The following ZNF438 variants were observed in gnomAD, a reference collection of about 807,000 sequenced individuals.
ZNF438 encodes zinc finger protein 438.
A neutral mutation model predicts 38.0 loss-of-function variants in ZNF438; 25 were observed. The observed-to-expected ratio is 0.66, with a 90% CI of 0.48 to 0.92. The LOEUF is 0.92. Among genes scored for constraint, ZNF438 ranks in the 40% least tolerant of loss-of-function variants. ZNF438 has a pLI of 0.00. For synonymous variants in ZNF438, 372 were observed against 364.1 expected, an observed-to-expected ratio of 1.02 and a Z score of -0.25; for missense variants, 1,007 against 999.6, an observed-to-expected ratio of 1.01 and a Z score of -0.10.
At chr10:31,022,722 A>C (rs1022775474) in intron 1 of ZNF438, among the ~76,000 whole-genome samples, 1 of 152,124 alleles carries the variant, frequency 6.6e-6, no homozygotes, top group Non-Finnish European at 1.5e-5. Context: ...ACACACAACA[A>C]ACGCTTCGAA....
intron 4 of ZNF438, 57 bp downstream of exon 5, chr10:30,876,941 G>A: frequency 1.5e-6 from 2 of 1,375,206 alleles, no homozygotes; most frequent in East Asian, 2.4e-5. Flanking sequence ...GACATTCAAT[G>A]TATCAAATTA....
intron 1 of ZNF438, among the ~76,000 whole-genome samples, chr10:31,006,008 CTCCCTCAAAGGATGTCCA>C (rs2132942594): frequency 6.6e-6 from 1 of 152,330 alleles, no homozygotes; most frequent in East Asian, 1.9e-4. Context: ...AGAATATTGC[CTCCCTCAAAGGATGTCCA>C]TCCCTTATTC....
chr10:30,989,893 T>C (rs2053284181), intron 1 of ZNF438, among the ~76,000 whole-genome samples: 2 of 152,174 alleles, frequency 1.3e-5, no homozygotes, highest in Non-Finnish European at 2.9e-5. Flanking sequence ...TATTTTATCT[T>C]CAATATGTGC....
At chr10:31,027,787 G>C (rs548702921) in intron 1 of ZNF438, among the ~76,000 whole-genome samples, 1 of 152,026 alleles carries the variant, frequency 6.6e-6, no homozygotes, top group East Asian at 1.9e-4. Context: ...GTTAGTAGAG[G>C]GCTTCTGTTT....
At chr10:30,985,035 A>G (rs958996659) in intron 1 of ZNF438, among the ~76,000 whole-genome samples, 41 of 152,208 alleles carry the variant, frequency 2.7e-4, no homozygotes, top group African/African-American at 9.9e-4. Context: ...GCCATGTGTG[A>G]GATGCATGTG....
intron 3 of ZNF438, among the ~76,000 whole-genome samples, chr10:30,877,736 C>T (rs1361425462): frequency 6.6e-6 from 1 of 151,806 alleles, no homozygotes; most frequent in African/African-American, 2.4e-5. Context: ...ATGTAGTGTT[C>T]CATATTAATA....
intron 4 of ZNF438, among the ~76,000 whole-genome samples, chr10:30,854,373 T>C (rs2034244653): frequency 1.3e-5 from 2 of 152,214 alleles, no homozygotes; most frequent in Non-Finnish European, 2.9e-5. Flanking sequence ...CTAGAATTCC[T>C]AGAGGACAGG....
intron 1 of ZNF438, among the ~76,000 whole-genome samples, chr10:30,968,062 G>T (rs1324877105): frequency 3.9e-5 from 6 of 152,188 alleles, no homozygotes; most frequent in African/African-American, 1.4e-4. Context: ...ATAACGGCAT[G>T]ATAAAATCAT....
intron 1 of ZNF438, among the ~76,000 whole-genome samples, chr10:30,956,259 A>G (rs2048850157): frequency 6.6e-6 from 1 of 152,206 alleles, no homozygotes; most frequent in Non-Finnish European, 1.5e-5. Context: ...TAAGTGATGA[A>G]ATATAAAAGA....
At chr10:30,977,597 C>A (rs762933887) in intron 1 of ZNF438, among the ~76,000 whole-genome samples, 1 of 152,130 alleles carries the variant, frequency 6.6e-6, no homozygotes, top group Non-Finnish European at 1.5e-5. Context: ...AGTCACACAG[C>A]CACATGTTGC....
At chr10:30,997,775 A>AGTCT (rs2054201785) in intron 1 of ZNF438, among the ~76,000 whole-genome samples, 1 of 151,996 alleles carries the variant, frequency 6.6e-6, no homozygotes, top group African/African-American at 2.4e-5. Flanking sequence ...TAAGAGAGAC[A>AGTCT]CCTTCTTTTC....
At chr10:30,882,569 C>A (rs4749636) in intron 3 of ZNF438, among the ~76,000 whole-genome samples, 1 of 151,882 alleles carries the variant, frequency 6.6e-6, no homozygotes. Flanking sequence ...TGATGCTATA[C>A]GAAAGAAGAT....
intron 1 of ZNF438, among the ~76,000 whole-genome samples, chr10:30,990,822 T>C (rs1221289415): frequency 6.6e-6 from 1 of 151,836 alleles, no homozygotes; most frequent in Non-Finnish European, 1.5e-5. Flanking sequence ...TAAGAATCTA[T>C]AAAGTAACCT....
intron 3 of ZNF438, among the ~76,000 whole-genome samples, chr10:30,884,976 A>AT (rs1418192442): frequency 6.6e-6 from 1 of 152,254 alleles, no homozygotes; most frequent in Non-Finnish European, 1.5e-5. Flanking sequence ...GAGTACATGT[A>AT]TAAGTGCATG....
At chr10:30,950,521 AAG>A (rs1167202180) in intron 1 of ZNF438, among the ~76,000 whole-genome samples, 1 of 152,020 alleles carries the variant, frequency 6.6e-6, no homozygotes, top group African/African-American at 2.4e-5. Flanking sequence ...TAAAGAAAAA[AAG>A]AGAGAAGAAT....
At chr10:30,935,035 G>A (rs2046091800) in intron 2 of ZNF438, among the ~76,000 whole-genome samples, 1 of 152,118 alleles carries the variant, frequency 6.6e-6, no homozygotes, top group Admixed American at 6.5e-5. Context: ...TGTTATTGTT[G>A]TATTTTGCTT....
chr10:30,886,005 G>A (rs1484524689), intron 3 of ZNF438, among the ~76,000 whole-genome samples: 1 of 152,142 alleles, frequency 6.6e-6, no homozygotes, highest in African/African-American at 2.4e-5. Flanking sequence ...TTACAAGGAG[G>A]CAAATTTCAA....
At chr10:31,010,939 A>G (rs2055638259) in intron 1 of ZNF438, among the ~76,000 whole-genome samples, 1 of 146,390 alleles carries the variant, frequency 6.8e-6, no homozygotes. Flanking sequence ...GTTGAGAAGG[A>G]CAGACAGAAC....
chr10:30,868,871 A>C (rs1453308284), intron 4 of ZNF438, among the ~76,000 whole-genome samples: 1 of 152,242 alleles, frequency 6.6e-6, no homozygotes, highest in Non-Finnish European at 1.5e-5. Flanking sequence ...GCTTTCTATC[A>C]AAGTACATAA....
Sources: gnomAD v4.1 joint callset for allele counts (sites outside exome capture counted in the v4.1 genomes callset) on GRCh38, gnomAD v4.1.1 for gene constraint, MANE v1.5 for transcripts, NCBI Gene and HGNC (gene_info 2026-07-23, HGNC 2026-07-21) for gene names.